CNTRL: variants seen among roughly 807,000 people sequenced by gnomAD.
CNTRL encodes the protein 110 kDa centrosomal protein.
Under a neutral mutation model 303.7 loss-of-function variants are expected in CNTRL, and 233 were observed. The ratio of observed to expected loss-of-function variants is 0.77; its 90% confidence interval spans 0.69 to 0.86. The LOEUF is 0.86. Among genes scored for constraint, CNTRL ranks in the 40% least tolerant of loss-of-function variants. The pLI is 0.00. For missense variants in CNTRL, 2,524 were observed against 2,650.6 expected, an observed-to-expected ratio of 0.95 and a Z score of 1.05; for synonymous variants, 900 against 922.2, an observed-to-expected ratio of 0.98 and a Z score of 0.44.
At chr9:121,133,724 T>G (rs1451224697) in intron 14 of CNTRL, among the ~76,000 whole-genome samples, 1 of 152,220 alleles carries the variant, frequency 6.6e-6, no homozygotes, top group African/African-American at 2.4e-5. Flanking sequence ...AAATCACCCG[T>G]CGTCTGCGTC....
rs1349961543 is a variant in CNTRL, at chr9:121,146,120, G to T, written c.3323G>T (p.Gly1108Val). 1.2e-6 allele frequency: 2 copies of T among 1,608,694 alleles called. No homozygotes were observed. The highest frequency in any genetic ancestry group is 3.4e-5 in the Admixed American group (2 of 58,684). The change falls in exon 23 of 44, where the codon GGC becomes GTC. Residue 1108 changes from glycine (G) to valine (V), a missense_variant. Coordinates refer to ENST00000373855, the MANE Select transcript of CNTRL (RefSeq NM_007018.6). ...LDLTGSDNKG[G>V]FENVLEEIAE... ...CTTTTCTTTACAGACAACAAAGGAG[G>T]CTTTGAAAATGTTTTAGAAGAAATT... is the stretch of plus-strand genomic sequence containing the variant.
intron 42 of CNTRL, 41 bp downstream of exon 42, chr9:121,173,778 G>A (rs776290016): frequency 1.3e-6 from 2 of 1,558,974 alleles, no homozygotes; most frequent in East Asian, 4.5e-5. Context: ...ATGAGATACT[G>A]GGCACATTGG....
chr9:121,148,523 C>T (rs2052014495), intron 23 of CNTRL, 149 bp from the exon 24 acceptor site: 3 of 670,026 alleles, frequency 4.5e-6, no homozygotes, highest in Non-Finnish European at 5.0e-6. Flanking sequence ...ATGTAATCAC[C>T]TCACTTCTGT....
rs867707842 is a variant in CNTRL, at chr9:121,157,819, G to A, written c.4576G>A (p.Val1526Ile). The A allele has an allele frequency of 1.9e-6, 3 of 1,614,160 alleles. No individual in the cohort carries two copies. The highest frequency in any genetic ancestry group is 2.7e-5 in the African/African-American group (2 of 75,048). ...EEILKEINKI[V>I]AAKDSDFQCL... ...AATCTTGAAAGAAATAAACAAAATT[G>A]TAGCAGCAAAAGACTCAGACTTCCA... Residue 1526 changes from valine (V) to isoleucine (I), a missense_variant, in exon 29 of 44, where the codon GTA (valine) becomes ATA (isoleucine). Transcript: ENST00000373855.
chr9:121,084,407 T>C (rs1053171052), intron 2 of CNTRL, among the ~76,000 whole-genome samples: 6 of 152,200 alleles, frequency 3.9e-5, no homozygotes, highest in Non-Finnish European at 8.8e-5. Flanking sequence ...TTACATTTTA[T>C]GTTATTTATG....
chr9:121,090,284 C>A lies in CNTRL; in HGVS notation c.227C>A (p.Ser76Ter). 1 of 1,597,372 alleles carries A rather than the reference C, an allele frequency of 6.3e-7. No homozygotes were observed. The highest frequency in any genetic ancestry group is 1.1e-5 in the South Asian group (1 of 87,466). ...LDYQDHKGAD[S>*]HAGVRYITEA... ...GTTTCTATAATTTCAGGAGCTGATT[C>A]ACATGCAGGAGTTAGATATATTACA... The change falls in exon 4 of 44, where the codon TCA becomes TAA. Residue 76 changes from serine (S) to a stop codon, truncating the protein, a stop_gained. Coordinates refer to ENST00000373855, the MANE Select transcript of CNTRL (RefSeq NM_007018.6). LOFTEE classifies it high-confidence loss of function.
chr9:121,081,059 C>A (rs1217875455), intron 2 of CNTRL, among the ~76,000 whole-genome samples: 1 of 152,206 alleles, frequency 6.6e-6, no homozygotes, highest in Non-Finnish European at 1.5e-5. Flanking sequence ...GGAAACTCAG[C>A]AACACCTACC....
chr9:121,158,846 T>C lies in CNTRL; in HGVS notation c.4765-9T>C, dbSNP rs201533821. 2 of 1,613,448 alleles carry C rather than the reference T, an allele frequency of 1.2e-6. No individual in the cohort carries two copies. Among genetic ancestry groups the C allele is most frequent in the African/African-American group, 2.7e-5 (2 of 74,884 alleles). ...TGTCAAACTTACTCTTCCCTTTTCT[T>C]TAATACAGGTGACAAGTCAGCAGCA... On this transcript the variant is annotated splice_polypyrimidine_tract_variant and intron_variant, in intron 30 of 43. Transcript: ENST00000373855.
intron 23 of CNTRL, among the ~76,000 whole-genome samples, chr9:121,146,859 C>T (rs527673300): frequency 1.1e-4 from 17 of 152,170 alleles, no homozygotes; most frequent in African/African-American, 3.6e-4. Flanking sequence ...AAGCAGTGAG[C>T]GTTGGGCTTT....
Position 121,161,931 on chromosome 9 carries a change from G to C in CNTRL, c.5165G>C (p.Arg1722Thr). The change falls in exon 33 of 44, where the codon AGG becomes ACG. Residue 1722 changes from arginine (R) to threonine (T), a missense_variant. Arg to Thr is a moderately conservative substitution (Grantham distance 71, BLOSUM62 -1). Coordinates refer to ENST00000373855, the MANE Select transcript of CNTRL (RefSeq NM_007018.6). ...LQGLKLQHDQ[R>T]VSELEKTQVA... The stretch of plus-strand genomic sequence containing the variant: ...GGTTTGAAGCTACAACATGACCAAA[G>C]GGTATCTGAATTAGAGAAGACTCAG... 3 of 1,614,138 alleles carry C rather than the reference G, an allele frequency of 1.9e-6. No individual in the cohort carries two copies. The highest frequency in any genetic ancestry group is 2.5e-6 in the Non-Finnish European group (3 of 1,180,010).
chr9:121,143,927 C>G lies in CNTRL; in HGVS notation c.2896C>G (p.Gln966Glu), dbSNP rs781147089. The change falls in exon 20 of 44, where the codon CAG (glutamine) becomes GAG (glutamate). Residue 966 changes from glutamine to glutamate, a missense_variant. Gln to Glu is a conservative substitution (Grantham distance 29, BLOSUM62 2). Coordinates refer to ENST00000373855, the MANE Select transcript of CNTRL (RefSeq NM_007018.6). ...GAAGAAACTTGAAGATGCCAAATCT[C>G]AGGAGCAAGTTTTTGGTTTAGATAA... ...KKKKLEDAKS[Q>E]EQVFGLDKEL... 7 of 1,597,564 alleles carry G rather than the reference C, an allele frequency of 4.4e-6. No individual in the cohort carries two copies. The East Asian group carries it at 1.3e-4, about 31-fold the overall frequency.
chr9:121,135,841 G>A lies in CNTRL; in HGVS notation c.2061G>A (p.Gln687=). 1 of 1,613,872 alleles carries A rather than the reference G, an allele frequency of 6.2e-7. No homozygotes were observed. Among genetic ancestry groups the A allele is most frequent in the Non-Finnish European group, 8.5e-7 (1 of 1,179,876 alleles). The change falls in exon 15 of 44, where the codon CAG becomes CAA. Residue 687 remains glutamine, a synonymous_variant. Coordinates refer to ENST00000373855, the MANE Select transcript of CNTRL (RefSeq NM_007018.6). ...LAELESALQE[Q]HEVNASLQQT... ...AGCTAGAAAGTGCCCTCCAAGAGCAGCATGAGGTGAATGCATCTTTGCAGC... is the reference window on the plus strand; with the variant it reads ...AGCTAGAAAGTGCCCTCCAAGAGCAACATGAGGTGAATGCATCTTTGCAGC...
chr9:121,163,604 A>G (rs72760247), intron 34 of CNTRL, among the ~76,000 whole-genome samples: 12,304 of 152,096 alleles, frequency 0.081, 546 homozygotes, highest in Non-Finnish European at 0.11. Context: ...TTTGCAACCC[A>G]TGTATCTGAT....
intron 2 of CNTRL, among the ~76,000 whole-genome samples, chr9:121,085,831 G>C (rs918264904): frequency 1.3e-5 from 2 of 152,190 alleles, no homozygotes; most frequent in African/African-American, 4.8e-5. Flanking sequence ...AATGGTATGT[G>C]GTGGGGAGGC....
rs2053142922 is a variant in CNTRL at position 121,167,504 on chromosome 9, A to G, written c.5671A>G (p.Thr1891Ala). ...NLAKQDLLHT[T>A]KHQDVLLSEQ... The stretch of plus-strand genomic sequence containing the variant: ...TCACCTAAAGGACCTGCTTCACACC[A>G]CCAAGCATCAGGATGTGTTGCTCAG... The change falls in exon 37 of 44, where the codon ACC (threonine) becomes GCC (alanine). Residue 1891 changes from threonine to alanine, a missense_variant. Physicochemically the swap from Thr to Ala is moderately conservative, Grantham distance 58. Coordinates refer to ENST00000373855, the MANE Select transcript of CNTRL (RefSeq NM_007018.6). The G allele has an allele frequency of 1.9e-6, 3 of 1,613,394 alleles. No homozygotes were observed. Among genetic ancestry groups the G allele is most frequent in the African/African-American group, 2.7e-5 (2 of 74,928 alleles).
At chr9:121,081,032 G>A (rs796885490) in intron 2 of CNTRL, among the ~76,000 whole-genome samples, 2 of 152,160 alleles carry the variant, frequency 1.3e-5, no homozygotes, top group East Asian at 3.8e-4. Flanking sequence ...ATGATCTAAC[G>A]CTAATAGACT....
chr9:121,094,393 C>T (rs1336720863), intron 4 of CNTRL, among the ~76,000 whole-genome samples: 1 of 152,104 alleles, frequency 6.6e-6, no homozygotes, highest in Non-Finnish European at 1.5e-5. Context: ...GGAGACTGAA[C>T]TGTGATAATT....
intron 12 of CNTRL, among the ~76,000 whole-genome samples, chr9:121,120,712 CAG>C (rs923421484): frequency 3.3e-5 from 5 of 152,246 alleles, no homozygotes; most frequent in African/African-American, 9.6e-5. Flanking sequence ...TTCTGGCGGA[CAG>C]AGAGTTCAAT....
intron 16 of CNTRL, among the ~76,000 whole-genome samples, chr9:121,139,028 C>T (rs2051356070): frequency 1.3e-5 from 2 of 152,114 alleles, no homozygotes; most frequent in African/African-American, 4.8e-5. Context: ...ATTGGTGCAT[C>T]CTCTTCCACT....
Sources: allele counts gnomAD v4.1 joint callset (sites outside exome capture counted in the v4.1 genomes callset), GRCh38; gene constraint gnomAD v4.1.1; transcripts MANE v1.5; gene names NCBI Gene and HGNC (gene_info 2026-07-23, HGNC 2026-07-21).